The following PACSIN2 variants were observed in gnomAD, a reference collection of about 807,000 sequenced individuals.
PACSIN2 encodes the protein protein kinase C and casein kinase substrate in neurons 2, also known as protein kinase C and casein kinase substrate in neurons protein 2.
Under a neutral mutation model 63.8 loss-of-function variants are expected in PACSIN2, and 25 were observed. That is an observed-to-expected ratio of 0.39 (90% CI 0.29 to 0.55). PACSIN2 has a LOEUF of 0.55. Among genes scored for constraint, PACSIN2 ranks in the 20% least tolerant of loss-of-function variants. The probability of loss-of-function intolerance (pLI) is 0.62; values close to 1 mark genes in which losing one functional copy is unlikely to be tolerated. For synonymous variants in PACSIN2, 255 were observed against 256.2 expected, an observed-to-expected ratio of 1.00 and a Z score of 0.05; for missense variants, 518 against 646.9, an observed-to-expected ratio of 0.80 and a Z score of 2.16.
intron 1 of PACSIN2, among the ~76,000 whole-genome samples, chr22:42,963,858 C>T (rs1156736806): frequency 3.3e-5 from 5 of 149,528 alleles, no homozygotes; most frequent in African/African-American, 1.2e-4. Flanking sequence ...TTTTTTTTCA[C>T]CACTTCTCTA....
intron 1 of PACSIN2, among the ~76,000 whole-genome samples, chr22:42,913,881 C>T (rs1931633818): frequency 6.6e-6 from 1 of 152,180 alleles, no homozygotes; most frequent in Non-Finnish European, 1.5e-5. Flanking sequence ...TTAAGTAAAT[C>T]AGGCTTCCTA....
chr22:42,993,322 G>T (rs1923177596), intron 1 of PACSIN2, among the ~76,000 whole-genome samples: 1 of 152,220 alleles, frequency 6.6e-6, no homozygotes, highest in Admixed American at 6.5e-5. Context: ...ACCCCAAGTG[G>T]CAAGAGGAAC....
At chr22:42,970,879 GC>G (rs1464817582) in intron 1 of PACSIN2, among the ~76,000 whole-genome samples, 2 of 152,122 alleles carry the variant, frequency 1.3e-5, no homozygotes, top group African/African-American at 4.8e-5. Flanking sequence ...CTGGCCTGCA[GC>G]GCCTCCCCAC....
At chr22:42,893,352 C>G in intron 3 of PACSIN2, 105 bp downstream of exon 3, 1 of 1,241,642 alleles carries the variant, frequency 8.1e-7, no homozygotes, top group Non-Finnish European at 1.2e-6. Flanking sequence ...TTGCCCCAAT[C>G]TTAAAAGACA....
At chr22:42,974,748 C>CAA (rs763775543) in intron 1 of PACSIN2, among the ~76,000 whole-genome samples, 2,476 of 58,404 alleles carry the variant, frequency 0.042, 97 homozygotes, top group African/African-American at 0.13. Context: ...GATCTTGTCT[C>CAA]AAAAAAAAAA....
rs565555946 is a variant in PACSIN2 at position 42,893,503 on chromosome 22, C to T, written c.171G>A (p.Gln57=). Residue 57 remains glutamine, a synonymous_variant, in exon 3 of 11, where the codon CAG becomes CAA. Coordinates refer to ENST00000263246, the MANE Select transcript of PACSIN2 (RefSeq NM_001184970.3). ...ERARIEKAYA[Q]QLTEWARRWR... is the part of the protein sequence containing the mutation. Reference sequence around the variant, plus strand: ...AGCGCCGGGCCCACTCAGTGAGCTGCTGCGCATACGCCTTCTCGATGCGCG... The same window carrying T: ...AGCGCCGGGCCCACTCAGTGAGCTGTTGCGCATACGCCTTCTCGATGCGCG... The T allele has an allele frequency of 1.9e-6, 3 of 1,614,078 alleles. No homozygotes were observed. The highest frequency in any genetic ancestry group is 2.2e-5 in the South Asian group (2 of 91,088).
At chr22:42,953,833 A>G (rs538006913) in intron 1 of PACSIN2, among the ~76,000 whole-genome samples, 84 of 152,340 alleles carry the variant, frequency 5.5e-4, no homozygotes, top group African/African-American at 2.0e-3. Context: ...TCTCAGAGGC[A>G]AGCGTGATTG....
At chr22:42,944,713 G>A (rs760645842) in intron 1 of PACSIN2, among the ~76,000 whole-genome samples, 8 of 152,230 alleles carry the variant, frequency 5.3e-5, no homozygotes, top group African/African-American at 9.7e-5. Flanking sequence ...CCGTTACAGA[G>A]AACTAGCAGG....
chr22:42,903,042 C>T (rs935712840), intron 2 of PACSIN2, among the ~76,000 whole-genome samples: 3 of 152,230 alleles, frequency 2.0e-5, no homozygotes, highest in Non-Finnish European at 4.4e-5. Context: ...GCGCTTCTGC[C>T]GCATTCCTGA....
chr22:42,913,434 G>A (rs2038064), intron 1 of PACSIN2, among the ~76,000 whole-genome samples: 4,350 of 144,502 alleles, frequency 0.03, 84 homozygotes, highest in African/African-American at 0.043. Context: ...AGCCAAGATC[G>A]TGCCATTGCA....
chr22:42,967,720 C>G (rs1019263106), intron 1 of PACSIN2, among the ~76,000 whole-genome samples: 1 of 152,064 alleles, frequency 6.6e-6, no homozygotes, highest in Non-Finnish European at 1.5e-5. Context: ...AACCCCATCT[C>G]TACTAAAAAT....
chr22:42,904,267 G>A (rs780684858), intron 2 of PACSIN2, among the ~76,000 whole-genome samples: 1 of 152,226 alleles, frequency 6.6e-6, no homozygotes, highest in African/African-American at 2.4e-5. Flanking sequence ...CCTACATGGC[G>A]TTCACATGCA....
chr22:43,007,247 C>T (rs573650840), intron 1 of PACSIN2, among the ~76,000 whole-genome samples: 18 of 148,310 alleles, frequency 1.2e-4, no homozygotes, highest in Non-Finnish European at 2.5e-4. Context: ...GAGACAGTCT[C>T]GCTCTGTCAC....
chr22:42,948,319 A>T (rs1176882010), intron 1 of PACSIN2, among the ~76,000 whole-genome samples: 1 of 152,204 alleles, frequency 6.6e-6, no homozygotes, highest in Non-Finnish European at 1.5e-5. Flanking sequence ...TTTACCTACC[A>T]GCAATAAAAA....
chr22:42,882,157 G>A (rs766850379), intron 7 of PACSIN2, 27 bp downstream of exon 7: 7 of 1,613,218 alleles, frequency 4.3e-6, no homozygotes, highest in South Asian at 2.2e-5. Flanking sequence ...CCAGGCTGAT[G>A]AGCTCATGGG....
Position 42,876,267 on chromosome 22 carries a change from G to A in PACSIN2, c.1218C>T (p.Pro406=). The part of the protein sequence containing the change: ...TDWSDDESNN[P]FSSTDANGDS... ...CCCCATTGGCATCCGTGGAGGAGAA[G>A]GGGTTGTTAGACTCATCGTCTGACC... Residue 406 remains proline, a synonymous_variant, in exon 10 of 11, where the codon CCC becomes CCT. Transcript: ENST00000263246. 6.2e-7 allele frequency: 1 copy of A among 1,614,230 alleles called. No individual in the cohort carries two copies. The highest frequency in any genetic ancestry group is 8.5e-7 in the Non-Finnish European group (1 of 1,180,040).
At chr22:42,899,203 T>C (rs1481592351) in intron 2 of PACSIN2, among the ~76,000 whole-genome samples, 1 of 152,172 alleles carries the variant, frequency 6.6e-6, no homozygotes, top group African/African-American at 2.4e-5. Flanking sequence ...CCCATACAAA[T>C]GTGAGGTAAA....
At chr22:42,929,437 C>T (rs189566209) in intron 1 of PACSIN2, among the ~76,000 whole-genome samples, 119 of 152,324 alleles carry the variant, frequency 7.8e-4, no homozygotes, top group Admixed American at 1.9e-3. Context: ...CTGTCAATAG[C>T]TTCTGAGAAC....
chr22:42,945,495 A>G (rs951627316), intron 1 of PACSIN2, among the ~76,000 whole-genome samples: 17 of 152,206 alleles, frequency 1.1e-4, no homozygotes, highest in African/African-American at 3.9e-4. Flanking sequence ...GCCATCACAC[A>G]GTCCTTGCAA....
Sources: gnomAD v4.1 joint callset for allele counts (sites outside exome capture counted in the v4.1 genomes callset) on GRCh38, gnomAD v4.1.1 for gene constraint, MANE v1.5 for transcripts, NCBI Gene and HGNC (gene_info 2026-07-23, HGNC 2026-07-21) for gene names.